CACNA1C: variants seen among roughly 807,000 people sequenced by gnomAD.
The protein encoded by CACNA1C is voltage-dependent L-type calcium channel subunit alpha-1C.
In CACNA1C, 30 loss-of-function variants were observed where a neutral mutation model predicts 229.0. The ratio of observed to expected loss-of-function variants is 0.13; its 90% CI spans 0.10 to 0.18. The LOEUF (loss-of-function observed/expected upper bound fraction) is 0.18, where lower values mean the gene tolerates loss of function less well. Ranked by LOEUF, CACNA1C falls within the 10% of genes least tolerant of loss-of-function variation. CACNA1C has a pLI of 1.00. For missense variants in CACNA1C, 1,658 were observed against 2,845.0 expected (o/e 0.58, Z 9.49); for synonymous variants, 1,114 against 1,132.5 (o/e 0.98, Z 0.33).
intron 5 of CACNA1C, among the ~76,000 whole-genome samples, chr12:2,468,101 C>T (rs1008499195): frequency 1.3e-5 from 2 of 152,244 alleles, no homozygotes; most frequent in African/African-American, 4.8e-5. Context: ...AGCACACTCA[C>T]AGGTTCCCGC....
intron 1 of CACNA1C, among the ~76,000 whole-genome samples, chr12:1,995,559 G>T (rs2040593186): frequency 1.3e-5 from 2 of 152,204 alleles, no homozygotes. Context: ...AAGTGTGCTG[G>T]CCTTGCCTCC....
chr12:2,020,608 T>G (rs2046271908), intron 1 of CACNA1C: 1 of 152,158 alleles, frequency 6.6e-6, no homozygotes, highest in Non-Finnish European at 1.5e-5. Context: ...CCTGGGACTA[T>G]AAGTACACTT....
chr12:2,192,114 C>T (rs905565668), intron 3 of CACNA1C, among the ~76,000 whole-genome samples: 1 of 152,038 alleles, frequency 6.6e-6, no homozygotes, highest in Non-Finnish European at 1.5e-5. Context: ...ACACACACAC[C>T]CCCTCCCTCC....
chr12:2,206,252 G>A (rs1054461196), intron 3 of CACNA1C, among the ~76,000 whole-genome samples: 1 of 152,164 alleles, frequency 6.6e-6, no homozygotes, highest in Non-Finnish European at 1.5e-5. Context: ...AGGGAAGAAG[G>A]CCAGTTGATG....
At chr12:2,351,334 A>G (rs1369818499) in intron 3 of CACNA1C, among the ~76,000 whole-genome samples, 2 of 152,178 alleles carry the variant, frequency 1.3e-5, no homozygotes, top group African/African-American at 4.8e-5. Context: ...TGCCTTGCCC[A>G]GTGCTCAGAG....
intron 3 of CACNA1C, chr12:2,288,841 C>T (rs559811013): frequency 6.6e-6 from 1 of 152,338 alleles, no homozygotes; most frequent in South Asian, 2.1e-4. Context: ...AAAGGTAGCA[C>T]TAATATGCAT....
Position 2,535,320 on chromosome 12 carries a change from T to A in CACNA1C, c.1391-14623T>A, listed in dbSNP as rs150448611. ...AGGAGAATGACATGAACCTGGGGAG[T>A]GGAGCTTGCAGTGAGCTGAGATCGC... On this transcript the variant is annotated intron_variant, in intron 9 of 46. Coordinates refer to ENST00000399655, the MANE Select transcript of CACNA1C (RefSeq NM_000719.7). Among the ~76,000 whole-genome samples, 1,229 of 150,672 alleles carry A rather than the reference T, an allele frequency of 8.2e-3. 8 individuals carry two copies. The highest frequency in any genetic ancestry group is 0.012 in the Non-Finnish European group (814 of 67,732).
chr12:2,279,442 T>C (rs946431137), intron 3 of CACNA1C, among the ~76,000 whole-genome samples: 2 of 152,256 alleles, frequency 1.3e-5, no homozygotes, highest in African/African-American at 4.8e-5. Context: ...AAAATCAGTT[T>C]GCCTATTTCT....
At position 2,310,340 on chromosome 12, in the gene CACNA1C, G is replaced by T. The variant is rs555182570; in HGVS notation, c.478-138636G>T. ...ATCCTGTCCTGTCCTCTGCCTCCCA[G>T]TTAAAAAAAAAAATATATATATATA... On this transcript the variant is annotated intron_variant, in intron 3 of 46. Coordinates refer to ENST00000399655, the MANE Select transcript of CACNA1C (RefSeq NM_000719.7). Among the ~76,000 whole-genome samples the T allele has an allele frequency of 4.1e-4, 54 of 130,748 alleles. 1 individual carries two copies. The highest frequency in any genetic ancestry group is 4.0e-3 in the Admixed American group (54 of 13,558). 85.8% of individuals were successfully genotyped at this position (130,748 alleles called of 152,430 possible).
rs377643814 is a variant in CACNA1C at position 2,512,935 on chromosome 12, C to T, written c.1341C>T (p.Ile447=). 2.0e-5 allele frequency: 32 copies of T among 1,611,218 alleles called. No individual in the cohort carries two copies. The African/African-American group carries it at 2.1e-4, about 11-fold the overall frequency. Residue 447 remains isoleucine (I), a synonymous_variant, in exon 9 of 47, where the codon ATC becomes ATT. Transcript: ENST00000399655. The surrounding 1 kb of genome is among the most constrained non-coding windows in gnomAD (Gnocchi z 4.3). ...YLDWITQAED[I]DPENEDEGMD... Reference sequence around the variant, plus strand: ...ATTGGATCACTCAGGCCGAAGACATCGATCCTGAGAATGAGGACGAAGGCA... The same window carrying T: ...ATTGGATCACTCAGGCCGAAGACATTGATCCTGAGAATGAGGACGAAGGCA...
chr12:2,121,599 C>T (rs2086768881), intron 3 of CACNA1C, among the ~76,000 whole-genome samples: 1 of 152,210 alleles, frequency 6.6e-6, no homozygotes, highest in South Asian at 2.1e-4. Context: ...AAGCTGGGCA[C>T]ACCACTGAGT....
chr12:2,343,716 T>TAATTAGATAATGCTTCCTGGAAA (rs2096927901), intron 3 of CACNA1C, among the ~76,000 whole-genome samples: 2 of 152,162 alleles, frequency 1.3e-5, no homozygotes, highest in Non-Finnish European at 2.9e-5. Flanking sequence ...TGTATAGTGT[T>TAATTAGATAATGCTTCCTGGAAA]AATTAGATAA....
chr12:2,641,485 G>C lies in CACNA1C; in HGVS notation c.3913-6990G>C, dbSNP rs1007919715. The C allele has an allele frequency of 5.3e-6, 3 of 564,044 alleles. No individual in the cohort carries two copies. The East Asian group carries it at 9.0e-5, about 17-fold the overall frequency. 34.9% of individuals were successfully genotyped at this position (564,044 alleles called of 1,614,324 possible). On this transcript the variant is annotated intron_variant, in intron 30 of 46. Coordinates refer to ENST00000399655, the MANE Select transcript of CACNA1C (RefSeq NM_000719.7). ...TCTCAGGACAGCTGGGTGGGGCAGA[G>C]GTTATCCTTGACATCTCCCTCCAGC... is the stretch of plus-strand genomic sequence containing the variant.
Position 2,143,101 on chromosome 12 carries a change from G to A in CACNA1C, c.477+22671G>A, listed in dbSNP as rs180739533. ...AGCAATTCTTCTGCCTCAGCCTCTC[G>A]AGTAGCTGAGATTACAGGTGCCTGC... On this transcript the variant is annotated intron_variant, in intron 3 of 46. Coordinates refer to ENST00000399655, the MANE Select transcript of CACNA1C (RefSeq NM_000719.7). 4.6e-5 allele frequency among the ~76,000 whole-genome samples: 7 copies of A among 150,620 alleles called. 1 individual carries two copies. The highest frequency in any genetic ancestry group is 1.3e-4 in the Admixed American group (2 of 14,904).
rs945329835 is a variant in CACNA1C at position 2,575,876 on chromosome 12, T to C, written c.1896-5714T>C. Among the ~76,000 whole-genome samples the C allele has an allele frequency of 1.3e-5, 2 of 152,136 alleles. No individual in the cohort carries two copies. Among genetic ancestry groups the C allele is most frequent in the Non-Finnish European group, 2.9e-5 (2 of 68,026 alleles). ...AAGCAAAAGGTTCATGAGATGAAAG[T>C]TCCAGTTCAAGGAAGGCTCGGGTCA... On this transcript the variant is annotated intron_variant, in intron 13 of 46. Transcript: ENST00000399655. The surrounding 1 kb of genome is among the most constrained non-coding windows in gnomAD (Gnocchi z 4.0).
chr12:2,408,098 G>T (rs2098759113), intron 3 of CACNA1C, among the ~76,000 whole-genome samples: 1 of 152,196 alleles, frequency 6.6e-6, no homozygotes, highest in South Asian at 2.1e-4. Flanking sequence ...TACAACATGG[G>T]TGAACCTTGA....
intron 3 of CACNA1C, among the ~76,000 whole-genome samples, chr12:2,310,197 A>G (rs1036216185): frequency 6.6e-6 from 1 of 152,056 alleles, no homozygotes; most frequent in African/African-American, 2.4e-5. Context: ...AAGGAAACTG[A>G]GGTGCTCGGA....
chr12:2,189,618 G>T (rs2097151904), intron 3 of CACNA1C, among the ~76,000 whole-genome samples: 1 of 152,198 alleles, frequency 6.6e-6, no homozygotes, highest in South Asian at 2.1e-4. Flanking sequence ...CTAACTGGCT[G>T]GAAAACTATC....
rs928218317 is a variant in CACNA1C, at chr12:2,318,335, G to A, written c.478-130641G>A. Reference sequence around the variant, plus strand: ...AGAGGGAACATCTTACTCTGCAGCCGCTGAAACAATGATTTTAAGCAAGGC... The same window carrying A: ...AGAGGGAACATCTTACTCTGCAGCCACTGAAACAATGATTTTAAGCAAGGC... On this transcript the variant is annotated intron_variant, in intron 3 of 46. Coordinates refer to ENST00000399655, the MANE Select transcript of CACNA1C (RefSeq NM_000719.7). 5.3e-5 allele frequency among the ~76,000 whole-genome samples: 8 copies of A among 152,202 alleles called. No individual in the cohort carries two copies. In the East Asian group the frequency reaches 5.8e-4, roughly 11 times the overall value.
Sources: allele counts gnomAD v4.1 joint callset (sites outside exome capture counted in the v4.1 genomes callset), GRCh38; gene constraint gnomAD v4.1.1; non-coding constraint Gnocchi (gnomAD v3.1); transcripts MANE v1.5; gene names NCBI Gene and HGNC (gene_info 2026-07-23, HGNC 2026-07-21).